The following IMMP1L variants were observed in gnomAD, a reference collection of about 807,000 sequenced individuals.
IMMP1L encodes the protein inner mitochondrial membrane peptidase subunit 1.
A neutral mutation model predicts 21.8 loss-of-function variants in IMMP1L; 24 were observed. That is an observed-to-expected ratio of 1.10 (90% CI 0.80 to 1.55). The LOEUF is 1.55. Ranked by LOEUF, IMMP1L falls within the 40% of genes most tolerant of loss-of-function variation. IMMP1L has a pLI of 0.00. For missense variants in IMMP1L, 195 were observed against 200.7 expected, an observed-to-expected ratio of 0.97 and a Z score of 0.17; for synonymous variants, 46 against 62.8, an observed-to-expected ratio of 0.73 and a Z score of 1.26.
At chr11:31,494,132 T>C (rs1294408692) in intron 1 of IMMP1L, among the ~76,000 whole-genome samples, 1 of 152,222 alleles carries the variant, frequency 6.6e-6, no homozygotes, top group East Asian at 1.9e-4. Context: ...CAACTCCACA[T>C]TTCCCTTCCT....
intron 3 of IMMP1L, among the ~76,000 whole-genome samples, chr11:31,458,013 T>C (rs1327111272): frequency 6.6e-6 from 1 of 152,164 alleles, no homozygotes; most frequent in African/African-American, 2.4e-5. Context: ...GCCATCAAAG[T>C]TGATTTTGGG....
At chr11:31,482,833 T>G (rs998739195) in intron 1 of IMMP1L, among the ~76,000 whole-genome samples, 13 of 151,978 alleles carry the variant, frequency 8.6e-5, no homozygotes, top group African/African-American at 2.9e-4. Context: ...ACCAGTAATT[T>G]TGCTCCCAGA....
intron 1 of IMMP1L, among the ~76,000 whole-genome samples, chr11:31,503,226 T>A (rs1448022528): frequency 2.0e-5 from 3 of 152,106 alleles, no homozygotes. Context: ...TTGAAATAAA[T>A]GATGAAAACA....
chr11:31,452,620 T>C, intron 4 of IMMP1L: 3 of 985,968 alleles, frequency 3.0e-6, no homozygotes, highest in Non-Finnish European at 3.6e-6. Flanking sequence ...CTTATGACAA[T>C]TTGTTTCTTT....
intron 4 of IMMP1L, among the ~76,000 whole-genome samples, chr11:31,453,950 A>G (rs569665722): frequency 6.6e-6 from 1 of 152,322 alleles, no homozygotes; most frequent in South Asian, 2.1e-4. Context: ...ATGTGTTTCA[A>G]TCCTAATTCT....
At chr11:31,450,482 G>A (rs1275355500) in intron 4 of IMMP1L, among the ~76,000 whole-genome samples, 4 of 152,080 alleles carry the variant, frequency 2.6e-5, no homozygotes, top group African/African-American at 4.8e-5. Flanking sequence ...CTTAAAGAAA[G>A]GCCTGAAAAA....
intron 3 of IMMP1L, among the ~76,000 whole-genome samples, chr11:31,459,974 T>C (rs1486988108): frequency 6.6e-6 from 1 of 151,962 alleles, no homozygotes; most frequent in Non-Finnish European, 1.5e-5. Flanking sequence ...CTGGGCAACA[T>C]GGCGAAACCC....
chr11:31,468,333 A>G (rs1954431961), intron 1 of IMMP1L, among the ~76,000 whole-genome samples: 1 of 152,176 alleles, frequency 6.6e-6, no homozygotes, highest in African/African-American at 2.4e-5. Context: ...ACTTCCTTTC[A>G]TATGGTTCAC....
At chr11:31,462,366 T>C (rs1954180186) in intron 2 of IMMP1L, among the ~76,000 whole-genome samples, 2 of 150,602 alleles carry the variant, frequency 1.3e-5, no homozygotes, top group Admixed American at 1.3e-4. Flanking sequence ...TATATTTCCA[T>C]TACTCCACCT....
intron 1 of IMMP1L, among the ~76,000 whole-genome samples, chr11:31,470,370 G>A (rs923822210): frequency 2.0e-5 from 3 of 150,904 alleles, no homozygotes; most frequent in Admixed American, 1.3e-4. Context: ...CCGAGATAGC[G>A]CTATTGCACT....
At chr11:31,470,378 ACT>A (rs1383759485) in intron 1 of IMMP1L, among the ~76,000 whole-genome samples, 3 of 151,648 alleles carry the variant, frequency 2.0e-5, no homozygotes, top group Non-Finnish European at 2.9e-5. Context: ...GCGCTATTGC[ACT>A]CCAGCCTGGG....
At chr11:31,507,726 A>C (rs1006116925) in intron 1 of IMMP1L, among the ~76,000 whole-genome samples, 1 of 152,142 alleles carries the variant, frequency 6.6e-6, no homozygotes, top group Non-Finnish European at 1.5e-5. Context: ...AGGAGGAATA[A>C]ATTTCAAGAA....
chr11:31,440,545 C>G (rs1387183276), intron 4 of IMMP1L, among the ~76,000 whole-genome samples: 1 of 152,128 alleles, frequency 6.6e-6, no homozygotes, highest in Non-Finnish European at 1.5e-5. Flanking sequence ...CATGCACCAC[C>G]ATGCCCAGCT....
At chr11:31,451,606 C>A (rs75810381) in intron 4 of IMMP1L, among the ~76,000 whole-genome samples, 3,544 of 152,094 alleles carry the variant, frequency 0.023, 129 homozygotes, top group African/African-American at 0.08. Flanking sequence ...CATTTTGGGA[C>A]AGAAAATCAG....
intron 4 of IMMP1L, among the ~76,000 whole-genome samples, chr11:31,453,883 G>A (rs1407722567): frequency 6.6e-6 from 1 of 152,122 alleles, no homozygotes; most frequent in Non-Finnish European, 1.5e-5. Flanking sequence ...TAGGCAAAGG[G>A]TATTCTGAAA....
At chr11:31,456,155 T>C in intron 4 of IMMP1L, 105 bp downstream of exon 4, 1 of 757,316 alleles carries the variant, frequency 1.3e-6, no homozygotes, top group Non-Finnish European at 2.0e-6. Context: ...GATGCCCTTT[T>C]TTCTTACATT....
At chr11:31,440,671 G>A (rs374914560) in intron 4 of IMMP1L, among the ~76,000 whole-genome samples, 7 of 152,248 alleles carry the variant, frequency 4.6e-5, no homozygotes, top group Admixed American at 1.3e-4. Context: ...GATTACAGTC[G>A]TGAGCCACTG....
At chr11:31,448,339 T>C (rs932123785) in intron 4 of IMMP1L, among the ~76,000 whole-genome samples, 3 of 152,074 alleles carry the variant, frequency 2.0e-5, no homozygotes, top group Non-Finnish European at 2.9e-5. Context: ...ATAAAAAAGA[T>C]TGTTTTAGAT....
chr11:31,499,366 AAAAACAAAACAAAAC>A (rs144325871), intron 1 of IMMP1L, among the ~76,000 whole-genome samples: 1 of 150,534 alleles, frequency 6.6e-6, no homozygotes, highest in Non-Finnish European at 1.5e-5. Context: ...CTCCGTATCA[AAAAACAAAACAAAAC>A]AAAACAAAAC....
Sources: gnomAD v4.1 joint callset for allele counts (sites outside exome capture counted in the v4.1 genomes callset) on GRCh38, gnomAD v4.1.1 for gene constraint, MANE v1.5 for transcripts, NCBI Gene and HGNC (gene_info 2026-07-23, HGNC 2026-07-21) for gene names.